Variants in CUL3 observed in about 807,000 individuals in gnomAD.
The protein encoded by CUL3 is cullin 3.
Under a neutral mutation model 89.1 loss-of-function variants are expected in CUL3, and 19 were observed. The observed-to-expected ratio is 0.21, with a 90% CI of 0.15 to 0.31. CUL3 has a LOEUF of 0.31. Ranked by LOEUF, CUL3 falls within the 10% of genes least tolerant of loss-of-function variation. CUL3 has a pLI of 1.00. For synonymous variants in CUL3, 351 were observed against 308.4 expected (o/e 1.14, Z -1.45); for missense variants, 469 against 942.3 (o/e 0.50, Z 6.58).
At chr2:224,567,705 A>G (rs1176349196) in intron 1 of CUL3, among the ~76,000 whole-genome samples, 1 of 150,936 alleles carries the variant, frequency 6.6e-6, no homozygotes, top group Non-Finnish European at 1.5e-5. Context: ...GTGCCACTGC[A>G]CTCCAGCCTG....
chr2:224,486,040 T>G (rs1173060201), intron 13 of CUL3, among the ~76,000 whole-genome samples: 1 of 152,202 alleles, frequency 6.6e-6, no homozygotes, highest in East Asian at 1.9e-4. Flanking sequence ...GAAGGAAAAC[T>G]AACAAACAGA....
chr2:224,548,229 C>T (rs954184850), intron 2 of CUL3, among the ~76,000 whole-genome samples: 2 of 152,138 alleles, frequency 1.3e-5, no homozygotes, highest in East Asian at 1.9e-4. Context: ...AAGTCTAAAA[C>T]GTAACTTCCA....
At chr2:224,563,650 C>A (rs567706831) in intron 1 of CUL3, among the ~76,000 whole-genome samples, 7 of 152,228 alleles carry the variant, frequency 4.6e-5, no homozygotes, top group African/African-American at 1.7e-4. Context: ...AAATTGCATG[C>A]CATTTTATGT....
At chr2:224,538,940 T>C (rs13398350) in intron 2 of CUL3, among the ~76,000 whole-genome samples, 39,771 of 151,838 alleles carry the variant, frequency 0.26, 5,935 homozygotes, top group African/African-American at 0.41. Flanking sequence ...GCTGAGGGGG[T>C]AGGATTGTTT....
chr2:224,525,938 C>T (rs1274549826), intron 3 of CUL3, among the ~76,000 whole-genome samples: 1 of 152,122 alleles, frequency 6.6e-6, no homozygotes, highest in Non-Finnish European at 1.5e-5. Flanking sequence ...TTACAGATTC[C>T]ATAGATAGGT....
intron 1 of CUL3, among the ~76,000 whole-genome samples, chr2:224,580,552 C>T (rs550249690): frequency 4.6e-5 from 7 of 152,238 alleles, no homozygotes; most frequent in Non-Finnish European, 8.8e-5. Flanking sequence ...GACGTGGTGG[C>T]GCAAACCGGT....
At chr2:224,574,442 C>G (rs1695253658) in intron 1 of CUL3, among the ~76,000 whole-genome samples, 1 of 152,154 alleles carries the variant, frequency 6.6e-6, no homozygotes, top group South Asian at 2.1e-4. Context: ...TAGTATTCTC[C>G]TCACCTTTAA....
chr2:224,507,296 A>C (rs1692638921), intron 6 of CUL3, among the ~76,000 whole-genome samples: 1 of 152,152 alleles, frequency 6.6e-6, no homozygotes, highest in Non-Finnish European at 1.5e-5. Context: ...ACCATAATAA[A>C]CAAGTAATGT....
At chr2:224,566,388 C>A (rs550827913) in intron 1 of CUL3, among the ~76,000 whole-genome samples, 3 of 152,312 alleles carry the variant, frequency 2.0e-5, no homozygotes, top group East Asian at 1.9e-4. Context: ...CAGCCATGAT[C>A]AAAAACCTGA....
In CUL3 at chr2:224,585,272, T is replaced by G; in HGVS notation, c.-263A>C. ...GCGGCTCCGCGGGGTCCCCCTCACG[T>G]CCGGCTCGGCTCCCTTTATCGCGCT... On this transcript the variant is annotated 5_prime_UTR_variant, in exon 1 of 16. Transcript: ENST00000264414. 1 of 396,608 alleles carries G rather than the reference T, an allele frequency of 2.5e-6. No individual in the cohort carries two copies. Among genetic ancestry groups the G allele is most frequent in the African/African-American group, 2.1e-5 (1 of 47,830 alleles). 24.6% of individuals were successfully genotyped at this position (396,608 alleles called of 1,614,324 possible).
intron 1 of CUL3, among the ~76,000 whole-genome samples, chr2:224,563,970 A>C (rs1186874227): frequency 6.6e-6 from 1 of 152,184 alleles, no homozygotes; most frequent in Non-Finnish European, 1.5e-5. Context: ...AGGTATGCTG[A>C]GATTGCTAAG....
Position 224,506,148 on chromosome 2 carries a change from A to T in CUL3, c.1030-16T>A. On this transcript the variant is annotated splice_polypyrimidine_tract_variant and intron_variant, in intron 7 of 15. Transcript: ENST00000264414. ...CCAATAAGCCCTTAGAAATAAAAACAAAATTTAGGACACATTATAATAATT... is the reference window on the plus strand; with the variant it reads ...CCAATAAGCCCTTAGAAATAAAAACTAAATTTAGGACACATTATAATAATT... The T allele has an allele frequency of 1.3e-6, 2 of 1,535,150 alleles. No individual in the cohort carries two copies.
At chr2:224,581,500 TTTC>T (rs1394522717) in intron 1 of CUL3, among the ~76,000 whole-genome samples, 4 of 151,646 alleles carry the variant, frequency 2.6e-5, no homozygotes, top group African/African-American at 7.2e-5. Flanking sequence ...ATATATAATT[TTTC>T]TTTTCTTTTT....
At chr2:224,536,018 T>C (rs1693886330) in intron 2 of CUL3, among the ~76,000 whole-genome samples, 1 of 152,178 alleles carries the variant, frequency 6.6e-6, no homozygotes. Flanking sequence ...CTTTGAATAA[T>C]GGTTGAGAAT....
chr2:224,517,273 C>A (rs1693090887), intron 3 of CUL3, among the ~76,000 whole-genome samples: 1 of 152,176 alleles, frequency 6.6e-6, no homozygotes, highest in Non-Finnish European at 1.5e-5. Flanking sequence ...AACTATTAAA[C>A]ATATACACAC....
At position 224,474,061 on chromosome 2, in the gene CUL3, C is replaced by A; in HGVS notation, c.*184G>T. The A allele has an allele frequency of 2.0e-6, 1 of 511,986 alleles. No homozygotes were observed. Among genetic ancestry groups the A allele is most frequent in the Non-Finnish European group, 3.4e-6 (1 of 298,432 alleles). 31.7% of individuals were successfully genotyped at this position (511,986 alleles called of 1,614,324 possible). ...CTCTACAGGGATAAACGTTGTAAAG[C>A]CTGAAGCTCAATCAACTGATGTTGG... On this transcript the variant is annotated 3_prime_UTR_variant, in exon 16 of 16. Transcript: ENST00000264414.
intron 1 of CUL3, among the ~76,000 whole-genome samples, chr2:224,571,440 C>T (rs147039310): frequency 1.3e-5 from 2 of 152,066 alleles, no homozygotes; most frequent in African/African-American, 2.4e-5. Flanking sequence ...AACTGTAAGA[C>T]AATGACAAAT....
intron 3 of CUL3, among the ~76,000 whole-genome samples, chr2:224,518,811 T>G (rs1284286260): frequency 6.6e-6 from 1 of 152,246 alleles, no homozygotes; most frequent in African/African-American, 2.4e-5. Flanking sequence ...CTTCCCCTTC[T>G]ATTTGCTATC....
At position 224,470,304 on chromosome 2, in the gene CUL3, T is replaced by C; in HGVS notation, c.*3941A>G. On this transcript the variant is annotated 3_prime_UTR_variant, in exon 16 of 16. Coordinates refer to ENST00000264414, the MANE Select transcript of CUL3 (RefSeq NM_003590.5). ...TTTACTTTGAGCTGCTCATGTATAA[T>C]TTTAAAGCTATTTTTGCATGGCTCA... 4.4e-6 allele frequency: 1 copy of C among 226,238 alleles called. No individual in the cohort carries two copies. Among genetic ancestry groups the C allele is most frequent in the East Asian group, 6.4e-5 (1 of 15,590 alleles). The allele number at this position is 226,238 out of a possible 1,614,324, so 14.0% of individuals were successfully genotyped here.
Sources: gnomAD v4.1 joint callset for allele counts (sites outside exome capture counted in the v4.1 genomes callset) on GRCh38, gnomAD v4.1.1 for gene constraint, MANE v1.5 for transcripts, NCBI Gene and HGNC (gene_info 2026-07-23, HGNC 2026-07-21) for gene names.